MALRD1: variants seen among roughly 807,000 people sequenced by gnomAD.
MALRD1 encodes MAM and LDL-receptor class A domain-containing protein 1.
Under a neutral mutation model 242.1 loss-of-function variants are expected in MALRD1, and 247 were observed. That is an observed-to-expected ratio of 1.02 (90% CI 0.92 to 1.13). MALRD1 has a LOEUF of 1.13. MALRD1 is among the 50% of genes most tolerant of loss of function. The pLI, the probability that MALRD1 is intolerant of heterozygous loss-of-function variation, is 0.00. For synonymous variants in MALRD1, 995 were observed against 866.6 expected (o/e 1.15, Z -2.60); for missense variants, 2,989 against 2,533.1 (o/e 1.18, Z -3.86).
chr10:19,245,939 T>C (rs531816860), intron 18 of MALRD1, among the ~76,000 whole-genome samples: 43 of 152,314 alleles, frequency 2.8e-4, no homozygotes, highest in African/African-American at 1.0e-3. Context: ...GGACCCTATA[T>C]TCTCTCTTTA....
intron 38 of MALRD1, among the ~76,000 whole-genome samples, chr10:19,699,042 G>C (rs1564550975): frequency 1.3e-5 from 2 of 152,028 alleles, no homozygotes; most frequent in Non-Finnish European, 2.9e-5. Flanking sequence ...GGCCTGTTGG[G>C]GGGTGAGGGA....
In MALRD1 at chr10:19,549,752, T is replaced by C. The variant is rs182884659; in HGVS notation, c.5479-17750T>C. Among the ~76,000 whole-genome samples the C allele has an allele frequency of 5.0e-3, 767 of 152,314 alleles. 6 individuals are homozygous for C. The highest frequency in any genetic ancestry group is 5.2e-3 in the South Asian group (25 of 4,826). On this transcript the variant is annotated intron_variant, in intron 32 of 39. Coordinates refer to ENST00000454679, the MANE Select transcript of MALRD1 (RefSeq NM_001142308.3). ...CTGAACCTGCAATATCTTTGAGCTC[T>C]GCTGATTAATGTCTTTCATTTAATA... is the stretch of plus-strand genomic sequence containing the variant.
chr10:19,404,816 GATCAGAATC>G (rs561097060), intron 28 of MALRD1, among the ~76,000 whole-genome samples: 91 of 152,194 alleles, frequency 6.0e-4, no homozygotes, highest in African/African-American at 2.1e-3. Flanking sequence ...TGAACACCTG[GATCAGAATC>G]ATTATACATA....
intron 27 of MALRD1, 116 bp from the exon 28 acceptor site, chr10:19,389,336 C>T: frequency 1.8e-6 from 2 of 1,127,590 alleles, no homozygotes; most frequent in South Asian, 2.7e-5. Context: ...AATGAAAATA[C>T]TTTTGGCAGC....
intron 14 of MALRD1, among the ~76,000 whole-genome samples, chr10:19,200,221 C>T (rs1394613527): frequency 6.6e-6 from 1 of 152,184 alleles, no homozygotes; most frequent in Admixed American, 6.5e-5. Context: ...AGATGTTTTT[C>T]ACTCTACATT....
At chr10:19,700,853 A>T (rs990916645) in intron 38 of MALRD1, among the ~76,000 whole-genome samples, 1 of 152,138 alleles carries the variant, frequency 6.6e-6, no homozygotes, top group South Asian at 2.1e-4. Context: ...TACAAGTTGC[A>T]CTCAAGAGAG....
At chr10:19,409,989 C>T (rs1293904913) in intron 28 of MALRD1, among the ~76,000 whole-genome samples, 1 of 151,896 alleles carries the variant, frequency 6.6e-6, no homozygotes, top group Non-Finnish European at 1.5e-5. Context: ...ATGTTTAGAT[C>T]TGTAAAATCT....
At chr10:19,609,873 A>C (rs1352504845) in intron 35 of MALRD1, among the ~76,000 whole-genome samples, 10 of 151,982 alleles carry the variant, frequency 6.6e-5, no homozygotes, top group Admixed American at 6.6e-4. Context: ...GAGAATTAGG[A>C]AAGGTCACTA....
rs185306049 is a variant in MALRD1, at chr10:19,346,957, T to C, written c.3902-814T>C. On this transcript the variant is annotated intron_variant, in intron 24 of 39. Transcript: ENST00000454679. ...GAGCCACCATGCCCAGCCTCCCTCA[T>C]TGGTTTTATGCAGAATCATGAATAT... is the stretch of plus-strand genomic sequence containing the variant. 5.9e-5 allele frequency among the ~76,000 whole-genome samples: 9 copies of C among 152,220 alleles called. No homozygotes were observed. The East Asian group carries it at 7.7e-4, about 13-fold the overall frequency.
At chr10:19,575,288 A>G (rs1156943878) in intron 33 of MALRD1, among the ~76,000 whole-genome samples, 1 of 152,106 alleles carries the variant, frequency 6.6e-6, no homozygotes, top group Admixed American at 6.6e-5. Flanking sequence ...GCATTTGCCT[A>G]TTTCTTTGGT....
chr10:19,490,691 C>T (rs565440162), intron 29 of MALRD1, among the ~76,000 whole-genome samples: 11 of 150,924 alleles, frequency 7.3e-5, no homozygotes, highest in Admixed American at 3.3e-4. Flanking sequence ...CAGATCATCA[C>T]GCAAAAGACA....
At chr10:19,660,275 C>A (rs2131730911) in intron 36 of MALRD1, among the ~76,000 whole-genome samples, 1 of 152,188 alleles carries the variant, frequency 6.6e-6, no homozygotes, top group Middle Eastern at 3.4e-3. Flanking sequence ...TTTAAGTTTT[C>A]TTCTTTTTCT....
intron 30 of MALRD1, among the ~76,000 whole-genome samples, chr10:19,498,213 A>G (rs1381211893): frequency 6.6e-6 from 1 of 152,208 alleles, no homozygotes; most frequent in Non-Finnish European, 1.5e-5. Context: ...TGTTATGTTT[A>G]TTGTTCATGT....
At chr10:19,117,827 C>T (rs934612558) in intron 5 of MALRD1, among the ~76,000 whole-genome samples, 17 of 152,260 alleles carry the variant, frequency 1.1e-4, no homozygotes, top group African/African-American at 3.9e-4. Context: ...ATTGAGTCTA[C>T]AATGTTTTAA....
chr10:19,388,774 T>C (rs1846200209), intron 27 of MALRD1, among the ~76,000 whole-genome samples: 1 of 151,804 alleles, frequency 6.6e-6, no homozygotes, highest in Non-Finnish European at 1.5e-5. Flanking sequence ...ACTTTTTTCC[T>C]TGGTGAAGGA....
chr10:19,389,481 G>A lies in MALRD1; in HGVS notation c.4717G>A (p.Val1573Met), dbSNP rs148455178. The change falls in exon 28 of 40, where the codon GTG becomes ATG. Residue 1573 changes from valine to methionine, a missense_variant. By Grantham distance (21) the Val-to-Met change is conservative. Transcript: ENST00000454679. Reference protein sequence around the residue: ...GHFMYLEATAVGLRGDKAHFR... With the variant: ...GHFMYLEATAMGLRGDKAHFR... Reference sequence around the variant, plus strand: ...CTTCATGTATCTGGAAGCTACTGCAGTGGGCCTTCGGGGTGACAAAGCACA... The same window carrying A: ...CTTCATGTATCTGGAAGCTACTGCAATGGGCCTTCGGGGTGACAAAGCACA... The A allele has an allele frequency of 1.2e-4, 186 of 1,550,602 alleles. No individual in the cohort carries two copies. In the African/African-American group the frequency reaches 2.2e-3, roughly 19 times the overall value.
chr10:19,688,130 C>G (rs1220097009), intron 36 of MALRD1, among the ~76,000 whole-genome samples: 1 of 152,078 alleles, frequency 6.6e-6, no homozygotes, highest in Non-Finnish European at 1.5e-5. Context: ...CCACCACACC[C>G]AGCTAATTTT....
chr10:19,628,137 C>G (rs1357344302), intron 36 of MALRD1, among the ~76,000 whole-genome samples: 2 of 151,982 alleles, frequency 1.3e-5, no homozygotes, highest in African/African-American at 4.8e-5. Context: ...TTGGTAATAT[C>G]CATTATTTAT....
intron 36 of MALRD1, among the ~76,000 whole-genome samples, chr10:19,669,969 C>T (rs1056337397): frequency 7.2e-5 from 11 of 151,756 alleles, no homozygotes; most frequent in Non-Finnish European, 1.2e-4. Flanking sequence ...CCAAATTCTT[C>T]GTCATCAGAG....
Sources: allele counts gnomAD v4.1 joint callset (sites outside exome capture counted in the v4.1 genomes callset), GRCh38; gene constraint gnomAD v4.1.1; transcripts MANE v1.5; gene names NCBI Gene and HGNC (gene_info 2026-07-23, HGNC 2026-07-21).